Variants in CAV1 observed in about 807,000 individuals in gnomAD.
CAV1 encodes the protein caveolin-1.
CAV1 carries 10 observed loss-of-function variants against 16.5 expected under a neutral mutation model. The observed-to-expected ratio is 0.61, with a 90% CI of 0.37 to 1.03. CAV1 has a LOEUF of 1.03. Ranked by LOEUF, CAV1 falls within the 50% of genes least tolerant of loss-of-function variation. The probability of loss-of-function intolerance (pLI) is 0.01; values close to 1 mark genes in which losing one functional copy is unlikely to be tolerated. For missense variants in CAV1, 212 were observed against 232.8 expected, an observed-to-expected ratio of 0.91 and a Z score of 0.58; for synonymous variants, 76 against 85.1, an observed-to-expected ratio of 0.89 and a Z score of 0.59.
rs1451886689 is a variant in CAV1, at chr7:116,555,582, A to G, written c.196-3364A>G. ...AAAGAAAGAAAGAAAGAAAGAAAGA[A>G]AGAAAGAAAGAAAGAAAGAAAGAGA... On this transcript the variant is annotated intron_variant, in intron 2 of 2. Coordinates refer to ENST00000341049, the MANE Select transcript of CAV1 (RefSeq NM_001753.5). Among the ~76,000 whole-genome samples, 160 of 103,692 alleles carry G rather than the reference A, an allele frequency of 1.5e-3. 6 individuals are homozygous for G. The highest frequency in any genetic ancestry group is 3.6e-3 in the East Asian group (13 of 3,622). The allele number at this position is 103,692 out of a possible 152,430, so 68.0% of individuals were successfully genotyped here.
Position 116,558,929 on chromosome 7 carries a change from T to C in CAV1, c.196-17T>C, listed in dbSNP as rs1466127422. ...TCTTCTATTCTGTGCTCATGTTGTG[T>C]CACTTCTTCCTTTTAGATTGACTTT... On this transcript the variant is annotated splice_polypyrimidine_tract_variant and intron_variant, in intron 2 of 2. Transcript: ENST00000341049. The C allele has an allele frequency of 1.9e-6, 3 of 1,581,776 alleles. No homozygotes were observed. Among genetic ancestry groups the C allele is most frequent in the Non-Finnish European group, 2.6e-6 (3 of 1,151,416 alleles).
intron 2 of CAV1, among the ~76,000 whole-genome samples, chr7:116,556,282 T>A (rs183947143): frequency 2.6e-5 from 4 of 152,346 alleles, no homozygotes; most frequent in Non-Finnish European, 5.9e-5. Flanking sequence ...CAATTGTGTA[T>A]ATGGTGTAAC....
chr7:116,556,892 C>T (rs895026528), intron 2 of CAV1, among the ~76,000 whole-genome samples: 3 of 152,204 alleles, frequency 2.0e-5, no homozygotes, highest in Non-Finnish European at 2.9e-5. Flanking sequence ...TTCAAATCCT[C>T]TTACAAAACA....
intron 2 of CAV1, among the ~76,000 whole-genome samples, chr7:116,542,265 G>C (rs765684592): frequency 2.6e-5 from 4 of 151,734 alleles, no homozygotes; most frequent in Non-Finnish European, 5.9e-5. Flanking sequence ...TGGTCTCTGC[G>C]AAAGCTGGCT....
In CAV1 at chr7:116,525,058, C is replaced by A. The variant is rs774125179; in HGVS notation, c.-5C>A. ...CTCACAGTTTTCATCCAGCCACGGG[C>A]CAGCATGTCTGGGGGCAAATACGTA... On this transcript the variant is annotated 5_prime_UTR_variant, in exon 1 of 3. Coordinates refer to ENST00000341049, the MANE Select transcript of CAV1 (RefSeq NM_001753.5). 6.2e-7 allele frequency: 1 copy of A among 1,614,200 alleles called. No individual in the cohort carries two copies. Among genetic ancestry groups the A allele is most frequent in the South Asian group, 1.1e-5 (1 of 91,082 alleles).
intron 2 of CAV1, among the ~76,000 whole-genome samples, chr7:116,553,107 C>T (rs1794196599): frequency 6.6e-6 from 1 of 152,158 alleles, no homozygotes; most frequent in Non-Finnish European, 1.5e-5. Context: ...CCCAAATGTA[C>T]TTAAGGTTTC....
chr7:116,544,192 T>G (rs1562833725), intron 2 of CAV1, among the ~76,000 whole-genome samples: 1 of 152,262 alleles, frequency 6.6e-6, no homozygotes, highest in South Asian at 2.1e-4. Context: ...TTCACCTTTT[T>G]GCCAAAATTA....
At chr7:116,537,901 A>G (rs959679500) in intron 2 of CAV1, among the ~76,000 whole-genome samples, 13 of 152,206 alleles carry the variant, frequency 8.5e-5, no homozygotes, top group African/African-American at 2.4e-4. Context: ...CCAGAGTAGA[A>G]CTAGAGTAGA....
intron 2 of CAV1, among the ~76,000 whole-genome samples, chr7:116,535,775 T>C (rs997073361): frequency 2.6e-5 from 4 of 152,226 alleles, no homozygotes; most frequent in African/African-American, 9.6e-5. Flanking sequence ...CTCGAGAAGA[T>C]GTCTCTTGTT....
intron 2 of CAV1, among the ~76,000 whole-genome samples, chr7:116,555,522 GAGAGAGAGAGAGAGAGAGAGAGAAA>G (rs1794258680): frequency 1.1e-3 from 6 of 5,358 alleles, no homozygotes; most frequent in East Asian, 0.012. Context: ...GAAAGAAAGA[GAGAGAGAGAGAGAGAGAGAGAGAAA>G]GAAAGAAAGA....
chr7:116,532,545 A>C (rs1245140309), intron 2 of CAV1, among the ~76,000 whole-genome samples: 1 of 152,132 alleles, frequency 6.6e-6, no homozygotes, highest in Non-Finnish European at 1.5e-5. Context: ...CACCCTGGAG[A>C]CCTTGCATAT....
rs1005030680 is a variant in CAV1, at chr7:116,560,338, T to G, written c.*1051T>G. 1.3e-5 allele frequency: 2 copies of G among 152,428 alleles called. No individual in the cohort carries two copies. Among genetic ancestry groups the G allele is most frequent in the Non-Finnish European group, 2.9e-5 (2 of 68,206 alleles). 9.4% of individuals were successfully genotyped at this position (152,428 alleles called of 1,614,324 possible). ...CTAATCCATCACCGGGGTGGTTTAG[T>G]GGCTCAACATTGTGTTCCCATTTCA... On this transcript the variant is annotated 3_prime_UTR_variant, in exon 3 of 3. Transcript: ENST00000341049.
intron 1 of CAV1, chr7:116,526,274 G>A: frequency 6.3e-6 from 8 of 1,270,250 alleles, no homozygotes; most frequent in South Asian, 4.8e-5. Context: ...GGCGGGCGGG[G>A]GAGGCAGGCG....
At position 116,526,262 on chromosome 7, in the gene CAV1, G is replaced by A. The variant is rs984291349; in HGVS notation, c.31-263G>A. 3.2e-6 allele frequency: 4 copies of A among 1,243,254 alleles called. No individual in the cohort carries two copies. The African/African-American group carries it at 4.6e-5, about 14-fold the overall frequency. The allele number at this position is 1,243,254 out of a possible 1,614,324, so 77.0% of individuals were successfully genotyped here. The stretch of plus-strand genomic sequence containing the variant: ...GCGGCGGGGCCTGCCCTGACCCCTG[G>A]CGGCGGGCGGGGGAGGCAGGCGCGC... On this transcript the variant is annotated intron_variant, in intron 1 of 2. Coordinates refer to ENST00000341049, the MANE Select transcript of CAV1 (RefSeq NM_001753.5).
chr7:116,537,160 T>A (rs1212707061), intron 2 of CAV1, among the ~76,000 whole-genome samples: 1 of 152,136 alleles, frequency 6.6e-6, no homozygotes, highest in Admixed American at 6.5e-5. Context: ...AAACCAAAAG[T>A]TTTTACTTTC....
chr7:116,529,340 T>A (rs1400569500), intron 2 of CAV1, among the ~76,000 whole-genome samples: 1 of 152,218 alleles, frequency 6.6e-6, no homozygotes, highest in Non-Finnish European at 1.5e-5. Context: ...CTCTGTCCAA[T>A]ATGGTAATCA....
At chr7:116,547,862 G>T (rs962418121) in intron 2 of CAV1, among the ~76,000 whole-genome samples, 2 of 152,114 alleles carry the variant, frequency 1.3e-5, no homozygotes, top group African/African-American at 4.8e-5. Context: ...CTATCATACC[G>T]CATCTTACAG....
rs1794397376 is a variant in CAV1 at position 116,560,914 on chromosome 7, C to T, written c.*1627C>T. On this transcript the variant is annotated 3_prime_UTR_variant, in exon 3 of 3. Coordinates refer to ENST00000341049, the MANE Select transcript of CAV1 (RefSeq NM_001753.5). Reference sequence around the variant, plus strand: ...AACTGTGTACATAACTGAAAATGTGCTATACTGCATACTTTTTAAATGTAA... The same window carrying T: ...AACTGTGTACATAACTGAAAATGTGTTATACTGCATACTTTTTAAATGTAA... 6.6e-6 allele frequency: 1 copy of T among 152,528 alleles called. No individual in the cohort carries two copies. Among genetic ancestry groups the T allele is most frequent in the Admixed American group, 6.5e-5 (1 of 15,268 alleles). The allele number at this position is 152,528 out of a possible 1,614,324, so 9.4% of individuals were successfully genotyped here.
At chr7:116,558,510 G>T (rs1794335960) in intron 2 of CAV1, among the ~76,000 whole-genome samples, 1 of 151,726 alleles carries the variant, frequency 6.6e-6, no homozygotes, top group Non-Finnish European at 1.5e-5. Context: ...CTCCTCAGAA[G>T]GCCAAGGTGG....
Sources: allele counts gnomAD v4.1 joint callset (sites outside exome capture counted in the v4.1 genomes callset), GRCh38; gene constraint gnomAD v4.1.1; transcripts MANE v1.5; gene names NCBI Gene and HGNC (gene_info 2026-07-23, HGNC 2026-07-21).